Variants in UMODL1 observed in about 807,000 individuals in gnomAD.
The protein encoded by UMODL1 is uromodulin like 1.
In UMODL1, 128 loss-of-function variants were observed where a neutral mutation model predicts 136.3. The ratio of observed to expected loss-of-function variants is 0.94; its 90% CI spans 0.81 to 1.09. UMODL1 has a LOEUF of 1.09. Among genes scored for constraint, UMODL1 ranks in the 50% least tolerant of loss-of-function variants. The pLI, the probability that UMODL1 is intolerant of heterozygous loss-of-function variation, is 0.00. For missense variants in UMODL1, 1,766 were observed against 1,725.6 expected (o/e 1.02, Z -0.41); for synonymous variants, 721 against 720.0 (o/e 1.00, Z -0.02).
chr21:42,078,952 C>T (rs2066327855), intron 2 of UMODL1, among the ~76,000 whole-genome samples: 1 of 152,246 alleles, frequency 6.6e-6, no homozygotes, highest in Non-Finnish European at 1.5e-5. Flanking sequence ...TGCTGCTGTG[C>T]AACAACTCCA....
chr21:42,128,562 C>T (rs2067093207), intron 20 of UMODL1, among the ~76,000 whole-genome samples: 1 of 152,228 alleles, frequency 6.6e-6, no homozygotes, highest in South Asian at 2.1e-4. Flanking sequence ...AGAAGCAACA[C>T]AAGGAAGGCT....
intron 1 of UMODL1, among the ~76,000 whole-genome samples, chr21:42,071,778 G>T (rs1184931304): frequency 6.6e-6 from 1 of 151,514 alleles, no homozygotes. Context: ...TCCTACAGAC[G>T]CAGAAGAAAG....
At position 42,122,064 on chromosome 21, in the gene UMODL1, G is replaced by A. The variant is rs1014049150; in HGVS notation, c.2828-767G>A. Among the ~76,000 whole-genome samples, 1 of 152,190 alleles carries A rather than the reference G, an allele frequency of 6.6e-6. No homozygotes were observed. Among genetic ancestry groups the A allele is most frequent in the Admixed American group, 6.5e-5 (1 of 15,288 alleles). On this transcript the variant is annotated intron_variant, in intron 16 of 22. Transcript: ENST00000408910. The surrounding 1 kb of genome is among the most constrained non-coding windows in gnomAD (Gnocchi z 4.3). ...CTGTGAAGTCCTCAGCAATGGTTTGGACTATGGCCCAGAGACAGGAGTGAG... is the reference window on the plus strand; with the variant it reads ...CTGTGAAGTCCTCAGCAATGGTTTGAACTATGGCCCAGAGACAGGAGTGAG...
intron 8 of UMODL1, 161 bp from the exon 9 acceptor site, chr21:42,103,707 C>T (rs777191190): frequency 2.6e-5 from 22 of 844,140 alleles, no homozygotes; most frequent in African/African-American, 8.4e-5. Flanking sequence ...GTGCTGTGAA[C>T]GGACTTCTCT....
At position 42,099,050 on chromosome 21, in the gene UMODL1, G is replaced by T; in HGVS notation, c.1056G>T (p.Leu352Phe). ...FHVRVYRGMELLRSARTQSQA... is the reference protein window; with the variant it reads ...FHVRVYRGMEFLRSARTQSQA... ...TCCGGGTTTACCGGGGTATGGAGTT[G>T]CTCAGGAGCGCCAGGACACAGAGCC... The change falls in exon 7 of 23, where the codon TTG becomes TTT. Residue 352 changes from leucine (L) to phenylalanine (F), a missense_variant. By Grantham distance (22) the Leu-to-Phe change is conservative. Transcript: ENST00000408910. The surrounding 1 kb of genome is among the most constrained non-coding windows in gnomAD (Gnocchi z 4.1). 3 of 1,614,216 alleles carry T rather than the reference G, an allele frequency of 1.9e-6. No individual in the cohort carries two copies. The highest frequency in any genetic ancestry group is 2.5e-6 in the Non-Finnish European group (3 of 1,180,044).
At chr21:42,121,450 G>T (rs1254609480) in intron 16 of UMODL1, among the ~76,000 whole-genome samples, 1 of 152,080 alleles carries the variant, frequency 6.6e-6, no homozygotes, top group Non-Finnish European at 1.5e-5. Context: ...ATGTGTCCAG[G>T]CTTCTGGGCA....
intron 17 of UMODL1, among the ~76,000 whole-genome samples, chr21:42,124,241 C>T (rs908216760): frequency 1.3e-5 from 2 of 152,210 alleles, no homozygotes; most frequent in African/African-American, 4.8e-5. Context: ...GAGCCAGCAC[C>T]TTCCACCAGC....
chr21:42,095,018 CCT>C (rs2066537022), intron 6 of UMODL1, among the ~76,000 whole-genome samples: 1 of 151,240 alleles, frequency 6.6e-6, no homozygotes, highest in Non-Finnish European at 1.5e-5. Context: ...CCATTCCTTG[CCT>C]CTCTGCCCTC....
At chr21:42,079,507 G>C (rs1010899560) in intron 2 of UMODL1, among the ~76,000 whole-genome samples, 4 of 152,240 alleles carry the variant, frequency 2.6e-5, no homozygotes, top group African/African-American at 9.6e-5. Flanking sequence ...AGGGGAGGTG[G>C]ACTCAACCTG....
In UMODL1 at chr21:42,123,971, C is replaced by T. The variant is rs1428166202; in HGVS notation, c.3147+821C>T. Among the ~76,000 whole-genome samples the T allele has an allele frequency of 6.6e-6, 1 of 152,170 alleles. No individual in the cohort carries two copies. The highest frequency in any genetic ancestry group is 1.5e-5 in the Non-Finnish European group (1 of 68,022). On this transcript the variant is annotated intron_variant, in intron 17 of 22. Transcript: ENST00000408910. The surrounding 1 kb of genome is among the most constrained non-coding windows in gnomAD (Gnocchi z 4.4). ...GTTTTCCTGGCCTGAGGCCTTCGCA[C>T]CTCTGTGTGCACAGATGGGCTCTGG...
At chr21:42,089,225 G>A (rs1037509053) in intron 5 of UMODL1, among the ~76,000 whole-genome samples, 4 of 152,184 alleles carry the variant, frequency 2.6e-5, no homozygotes, top group Non-Finnish European at 5.9e-5. Context: ...CTAGTCTGCT[G>A]CTCCCAGGGC....
chr21:42,072,017 C>T lies in UMODL1; in HGVS notation c.76+625C>T, dbSNP rs944340667. Among the ~76,000 whole-genome samples, 5 of 151,682 alleles carry T rather than the reference C, an allele frequency of 3.3e-5. No individual in the cohort carries two copies. The South Asian group carries it at 8.3e-4, about 25-fold the overall frequency. On this transcript the variant is annotated intron_variant, in intron 1 of 22. Coordinates refer to ENST00000408910, the MANE Select transcript of UMODL1 (RefSeq NM_001004416.3). ...GAGCTAAGATTGCTCCACTGCACTG[C>T]AGCCTGGGCGGCAGAGCAAAAGCCC...
chr21:42,064,543 A>C (rs572832573), intron 1 of UMODL1, among the ~76,000 whole-genome samples: 3 of 152,202 alleles, frequency 2.0e-5, no homozygotes, highest in African/African-American at 4.8e-5. Context: ...TAGAATCACA[A>C]ATTTCTTTCT....
intron 22 of UMODL1, among the ~76,000 whole-genome samples, chr21:42,138,472 C>A (rs1403187127): frequency 6.6e-6 from 1 of 152,166 alleles, no homozygotes; most frequent in Non-Finnish European, 1.5e-5. Context: ...CCTGGGCCTG[C>A]ACATAGTTCA....
At chr21:42,081,550 C>T (rs566841808) in intron 2 of UMODL1, among the ~76,000 whole-genome samples, 1 of 152,314 alleles carries the variant, frequency 6.6e-6, no homozygotes, top group South Asian at 2.1e-4. Context: ...AGATGCAAAC[C>T]TTTCACTTAA....
At chr21:42,118,509 G>A (rs1042232992) in intron 14 of UMODL1, among the ~76,000 whole-genome samples, 5 of 152,232 alleles carry the variant, frequency 3.3e-5, no homozygotes, top group African/African-American at 1.2e-4. Context: ...ATAGCGTGTG[G>A]TGTGTGACTG....
At chr21:42,104,318 C>T (rs1275364599) in intron 9 of UMODL1, among the ~76,000 whole-genome samples, 1 of 152,220 alleles carries the variant, frequency 6.6e-6, no homozygotes. Context: ...GGAAGGTACC[C>T]TCAGGGGAAA....
rs1212855417 is a variant in UMODL1, at chr21:42,108,914, A to AC, written c.1520-640dup. ...TCATGTTGTACTCAGGCTGACCCCC[A>AC]CCCCCCCCACGAGAGAAGTCCATGT... On this transcript the variant is annotated intron_variant, in intron 9 of 22. Transcript: ENST00000408910. Among the ~76,000 whole-genome samples the AC allele has an allele frequency of 7.5e-3, 208 of 27,724 alleles. 2 individuals carry two copies. Among genetic ancestry groups the AC allele is most frequent in the Admixed American group, 0.014 (40 of 2,842 alleles). 18.2% of individuals were successfully genotyped at this position (27,724 alleles called of 152,430 possible).
intron 22 of UMODL1, among the ~76,000 whole-genome samples, chr21:42,138,011 G>A (rs190937579): frequency 3.3e-4 from 50 of 152,136 alleles, no homozygotes; most frequent in Middle Eastern, 3.4e-3. Flanking sequence ...AGGTTCGATC[G>A]CTTCACACAC....
Sources: allele counts gnomAD v4.1 joint callset (sites outside exome capture counted in the v4.1 genomes callset), GRCh38; gene constraint gnomAD v4.1.1; non-coding constraint Gnocchi (gnomAD v3.1); transcripts MANE v1.5; gene names NCBI Gene and HGNC (gene_info 2026-07-23, HGNC 2026-07-21).